SOD2: variants seen among roughly 807,000 people sequenced by gnomAD.
SOD2 encodes superoxide dismutase [Mn], mitochondrial.
Under a neutral mutation model 27.0 loss-of-function variants are expected in SOD2, and 11 were observed. The observed-to-expected ratio is 0.41, with a 90% CI of 0.26 to 0.67. SOD2 has a LOEUF of 0.67. SOD2 is among the 30% of genes least tolerant of loss of function. The probability of loss-of-function intolerance (pLI) is 0.34; values close to 1 mark genes in which losing one functional copy is unlikely to be tolerated. For missense variants in SOD2, 250 were observed against 274.5 expected (o/e 0.91, Z 0.63); for synonymous variants, 105 against 103.0 (o/e 1.02, Z -0.12).
chr6:159,692,599 G>A, intron 2 of SOD2, 62 bp downstream of exon 2: 1 of 1,602,644 alleles, frequency 6.2e-7, no homozygotes, highest in South Asian at 1.1e-5. Flanking sequence ...TCCGTATGGG[G>A]CCTGGCTCCC....
At chr6:159,683,282 G>A (rs897846635) in intron 4 of SOD2, among the ~76,000 whole-genome samples, 9 of 152,104 alleles carry the variant, frequency 5.9e-5, no homozygotes, top group Non-Finnish European at 1.2e-4. Context: ...TCAGGCGTTC[G>A]AGACCAGCCT....
rs1779990740 is a variant in SOD2, at chr6:159,682,148, T to A, written c.*345A>T. 1 of 161,370 alleles carries A rather than the reference T, an allele frequency of 6.2e-6. No individual in the cohort carries two copies. Among genetic ancestry groups the A allele is most frequent in the African/African-American group, 2.4e-5 (1 of 41,996 alleles). 10.0% of individuals were successfully genotyped at this position (161,370 alleles called of 1,614,324 possible). The stretch of plus-strand genomic sequence containing the variant: ...GTAACTGGGGCAAAAGACTAGATTT[T>A]CTATAACTGCAATAGAATAGGACTA... On this transcript the variant is annotated 3_prime_UTR_variant, in exon 5 of 5. Transcript: ENST00000538183.
At chr6:159,742,247 G>T in intron 1 of SOD2, 1 of 1,043,658 alleles carries the variant, frequency 9.6e-7, no homozygotes, top group Non-Finnish European at 1.4e-6. Flanking sequence ...AATTTTTCTC[G>T]TGTTTTATTA....
At chr6:159,754,660 C>T (rs1278537426) in intron 1 of SOD2, among the ~76,000 whole-genome samples, 1 of 152,032 alleles carries the variant, frequency 6.6e-6, no homozygotes, top group Non-Finnish European at 1.5e-5. Context: ...GTACCTAATA[C>T]AATATAAATG....
intron 1 of SOD2, among the ~76,000 whole-genome samples, chr6:159,743,047 T>C (rs1378659317): frequency 1.3e-5 from 2 of 152,170 alleles, no homozygotes; most frequent in Non-Finnish European, 2.9e-5. Flanking sequence ...TACTATTTTA[T>C]TTATTTATTT....
intron 1 of SOD2, among the ~76,000 whole-genome samples, chr6:159,701,707 T>A (rs546314347): frequency 1.3e-5 from 2 of 152,352 alleles, no homozygotes; most frequent in African/African-American, 4.8e-5. Context: ...GAGTCATTGT[T>A]ACTGTTAATA....
rs1779825499 is a variant in SOD2, at chr6:159,678,415, T to C, written c.*4078A>G. ...GGTGGTGCACACTTGTAATCCCAGC[T>C]ACTTGGGAGGCTGAGGCATGAGAAT... is the stretch of plus-strand genomic sequence containing the variant. On this transcript the variant is annotated 3_prime_UTR_variant, in exon 5 of 5. Transcript: ENST00000538183. 1.3e-5 allele frequency: 2 copies of C among 152,110 alleles called. No homozygotes were observed. Among genetic ancestry groups the C allele is most frequent in the South Asian group, 4.1e-4 (2 of 4,830 alleles). 9.4% of individuals were successfully genotyped at this position (152,110 alleles called of 1,614,324 possible).
intron 1 of SOD2, among the ~76,000 whole-genome samples, chr6:159,740,043 A>G (rs565559806): frequency 3.1e-4 from 47 of 151,952 alleles, no homozygotes; most frequent in African/African-American, 9.4e-4. Flanking sequence ...AATAGAGGTG[A>G]GGTGCTGCTC....
chr6:159,756,071 C>T (rs1008278839), intron 1 of SOD2: 4 of 154,094 alleles, frequency 2.6e-5, no homozygotes, highest in African/African-American at 9.7e-5. Context: ...TTGCCCAGTA[C>T]AGTAGTTTTT....
intron 1 of SOD2, chr6:159,725,766 AAT>A (rs1024333072): frequency 5.9e-5 from 9 of 151,810 alleles, no homozygotes; most frequent in African/African-American, 2.2e-4. Context: ...ATTAAATATA[AAT>A]ATATATTTTT....
chr6:159,710,889 G>A (rs754267325), intron 1 of SOD2, among the ~76,000 whole-genome samples: 32 of 131,414 alleles, frequency 2.4e-4, no homozygotes, highest in South Asian at 5.0e-4. Flanking sequence ...CTCCATAACC[G>A]CCTCGACAAC....
chr6:159,739,102 C>T, intron 1 of SOD2: 2 of 1,344,854 alleles, frequency 1.5e-6, no homozygotes, highest in Non-Finnish European at 2.1e-6. Context: ...TATTGTGACT[C>T]TACACTGTAA....
intron 1 of SOD2, chr6:159,726,671 G>A (rs1043404412): frequency 3.6e-6 from 3 of 830,834 alleles, no homozygotes; most frequent in Admixed American, 3.1e-5. Flanking sequence ...CGCCTTCCCC[G>A]TGTTCCAGTT....
chr6:159,725,960 A>C (rs1261899983), intron 1 of SOD2: 1 of 152,190 alleles, frequency 6.6e-6, no homozygotes, highest in Non-Finnish European at 1.5e-5. Flanking sequence ...GTATGGATGC[A>C]CCATTCCCAA....
Position 159,672,358 on chromosome 6 carries a change from C to A in SOD2, c.*10135G>T, listed in dbSNP as rs560656182. On this transcript the variant is annotated 3_prime_UTR_variant, in exon 5 of 5. Coordinates refer to ENST00000538183, the MANE Select transcript of SOD2 (RefSeq NM_000636.4). The stretch of plus-strand genomic sequence containing the variant: ...AGCCAGAGAGAAAGGTCGGGTTACC[C>A]ACAAAGGGAAGCCCATCAGACTAAC... 5.1e-3 allele frequency: 772 copies of A among 152,224 alleles called. 5 individuals are homozygous for A. The highest frequency in any genetic ancestry group is 0.018 in the African/African-American group (733 of 41,528). 9.4% of individuals were successfully genotyped at this position (152,224 alleles called of 1,614,324 possible). A position where few individuals can be genotyped will look rare whatever the true frequency, so the allele number is the denominator to read the frequency against.
chr6:159,702,909 TAC>T (rs1777552996), intron 1 of SOD2, among the ~76,000 whole-genome samples: 1 of 140,528 alleles, frequency 7.1e-6, no homozygotes, highest in African/African-American at 2.6e-5. Flanking sequence ...TAGTCCCAGC[TAC>T]TCAGGAGGCT....
Position 159,671,759 on chromosome 6 carries a change from TGA to T in SOD2, c.*10732_*10733del, listed in dbSNP as rs1163269366. The T allele has an allele frequency of 6.6e-6, 1 of 152,196 alleles. No individual in the cohort carries two copies. The highest frequency in any genetic ancestry group is 2.4e-5 in the African/African-American group (1 of 41,442). The allele number at this position is 152,196 out of a possible 1,614,324, so 9.4% of individuals were successfully genotyped here. A position where few individuals can be genotyped will look rare whatever the true frequency, so the allele number is the denominator to read the frequency against. On this transcript the variant is annotated 3_prime_UTR_variant, in exon 5 of 5. Transcript: ENST00000538183. ...TGGACGGAGAATGACTTTGACGAGT[TGA>T]GAGAAGAAGGCTTCAGATGATCAAA... is the stretch of plus-strand genomic sequence containing the variant.
In SOD2 at chr6:159,761,799, C is replaced by T. The variant is rs565289163; in HGVS notation, c.-1098G>A. The T allele has an allele frequency of 1.4e-4, 32 of 236,296 alleles. 2 individuals are homozygous for T. In the East Asian group the frequency reaches 3.8e-3, roughly 28 times the overall value. 14.6% of individuals were successfully genotyped at this position (236,296 alleles called of 1,614,324 possible). On this transcript the variant is annotated 5_prime_UTR_variant, in exon 1 of 8. Transcript: ENST00000546087. The stretch of plus-strand genomic sequence containing the variant: ...GCTCTGTAAATGCGTCCGAGGTCCG[C>T]GGTTCTGCCCGCAAGCCCAGACCCC...
intron 4 of SOD2, 27 bp downstream of exon 4, chr6:159,684,827 A>C (rs746460093): frequency 6.3e-7 from 1 of 1,579,694 alleles, no homozygotes; most frequent in Non-Finnish European, 8.7e-7. Flanking sequence ...ATCTCTCCCA[A>C]ATGAAATCAC....
Sources: allele counts gnomAD v4.1 joint callset (sites outside exome capture counted in the v4.1 genomes callset), GRCh38; gene constraint gnomAD v4.1.1; transcripts MANE v1.5; gene names NCBI Gene and HGNC (gene_info 2026-07-23, HGNC 2026-07-21).